NMNAT2: variants seen among roughly 807,000 people sequenced by gnomAD.
The protein encoded by NMNAT2 is nicotinamide/nicotinic acid mononucleotide adenylyltransferase 2.
Under a neutral mutation model 41.6 loss-of-function variants are expected in NMNAT2, and 11 were observed. The ratio of observed to expected loss-of-function variants is 0.26; its 90% CI spans 0.17 to 0.44. NMNAT2 has a LOEUF of 0.44. Ranked by LOEUF, NMNAT2 falls within the 20% of genes least tolerant of loss-of-function variation. The probability of loss-of-function intolerance (pLI) is 1.00; values close to 1 mark genes in which losing one functional copy is unlikely to be tolerated. For synonymous variants in NMNAT2, 148 were observed against 151.2 expected, an observed-to-expected ratio of 0.98 and a Z score of 0.16; for missense variants, 288 against 407.7, an observed-to-expected ratio of 0.71 and a Z score of 2.53.
At chr1:183,268,487 T>G (rs148450310) in intron 8 of NMNAT2, among the ~76,000 whole-genome samples, 41 of 152,356 alleles carry the variant, frequency 2.7e-4, no homozygotes, top group African/African-American at 8.2e-4. Context: ...GGGTGGCTAA[T>G]ATCTTACAGT....
chr1:183,332,595 TCAGA>T (rs1369813997), intron 1 of NMNAT2, among the ~76,000 whole-genome samples: 2 of 152,074 alleles, frequency 1.3e-5, no homozygotes, highest in African/African-American at 4.8e-5. Context: ...TGAGATGCAA[TCAGA>T]CAGTCACCAG....
intron 10 of NMNAT2, among the ~76,000 whole-genome samples, chr1:183,260,382 T>G (rs964111013): frequency 6.6e-6 from 1 of 152,230 alleles, no homozygotes; most frequent in African/African-American, 2.4e-5. Flanking sequence ...TATTGGAATT[T>G]TTTTTGTTTT....
chr1:183,253,091 A>G (rs1265405228), intron 10 of NMNAT2, among the ~76,000 whole-genome samples: 1 of 152,122 alleles, frequency 6.6e-6, no homozygotes, highest in Non-Finnish European at 1.5e-5. Context: ...AGAGTGCCAG[A>G]CACACAGTGG....
chr1:183,329,986 C>T (rs1662546944), intron 1 of NMNAT2, among the ~76,000 whole-genome samples: 1 of 152,158 alleles, frequency 6.6e-6, no homozygotes, highest in South Asian at 2.1e-4. Context: ...ACTCCTCTTC[C>T]CCGCAAAACC....
intron 1 of NMNAT2, among the ~76,000 whole-genome samples, chr1:183,357,711 T>C (rs1198528073): frequency 6.6e-6 from 1 of 152,234 alleles, no homozygotes; most frequent in Non-Finnish European, 1.5e-5. Context: ...CGGTGTAAGA[T>C]GATATCTCAT....
At chr1:183,398,109 G>A (rs982345137) in intron 1 of NMNAT2, among the ~76,000 whole-genome samples, 22 of 152,158 alleles carry the variant, frequency 1.4e-4, no homozygotes, top group Non-Finnish European at 2.6e-4. Flanking sequence ...AAAAGACACA[G>A]ACTGGCAAAT....
Position 183,278,605 on chromosome 1 carries a change from C to A in NMNAT2, c.599G>T (p.Gly200Val), listed in dbSNP as rs761461234. 1 of 1,613,814 alleles carries A rather than the reference C, an allele frequency of 6.2e-7. No individual in the cohort carries two copies. Among genetic ancestry groups the A allele is most frequent in the Non-Finnish European group, 8.5e-7 (1 of 1,179,738 alleles). Residue 200 changes from glycine (G) to valine (V), a missense_variant, in exon 8 of 11, where the codon GGT (glycine) becomes GTT (valine). This residue lies in a region of NMNAT2 where 181 missense variants were observed against 213.7 expected (regional missense o/e 0.85). Transcript: ENST00000287713. ...EIELRILLLC[G>V]SDLLESFCIP... ...GCAGAAGGACTCCAGCAGGTCACTA[C>A]CACACAGCAGCAGGATCCGTAGCTC...
intron 1 of NMNAT2, among the ~76,000 whole-genome samples, chr1:183,312,859 G>A (rs111521667): frequency 6.6e-6 from 1 of 152,190 alleles, no homozygotes; most frequent in Non-Finnish European, 1.5e-5. Flanking sequence ...ATAAGTCCAT[G>A]CATGGACAGG....
chr1:183,368,557 C>G (rs1042421454), intron 1 of NMNAT2, among the ~76,000 whole-genome samples: 4 of 152,178 alleles, frequency 2.6e-5, no homozygotes, highest in African/African-American at 9.7e-5. Flanking sequence ...TACAAGGGTG[C>G]TAATTCTGTC....
intron 1 of NMNAT2, among the ~76,000 whole-genome samples, chr1:183,324,514 C>T (rs2102332773): frequency 6.6e-6 from 1 of 152,328 alleles, no homozygotes; most frequent in Non-Finnish European, 1.5e-5. Context: ...GAAGGCCCTG[C>T]ATGGTTTGGC....
chr1:183,279,424 C>T (rs2102297743), intron 7 of NMNAT2, among the ~76,000 whole-genome samples: 1 of 152,322 alleles, frequency 6.6e-6, no homozygotes, highest in South Asian at 2.1e-4. Flanking sequence ...CACAGCGTGG[C>T]TCCCAGGCGT....
Position 183,339,137 on chromosome 1 carries a change from G to A in NMNAT2, c.86-45344C>T, listed in dbSNP as rs1662739923. 1.3e-5 allele frequency among the ~76,000 whole-genome samples: 2 copies of A among 151,988 alleles called. 1 individual carries two copies. Among genetic ancestry groups the A allele is most frequent in the South Asian group, 4.2e-4 (2 of 4,790 alleles). On this transcript the variant is annotated intron_variant, in intron 1 of 10. Transcript: ENST00000287713. ...TTTTGAGATGGAGTCTCGCTCTGTC[G>A]CCCAGGCTGGAGTGCAGTGGTACGA... is the stretch of plus-strand genomic sequence containing the variant.
intron 3 of NMNAT2, among the ~76,000 whole-genome samples, chr1:183,291,372 C>A (rs954263939): frequency 3.3e-5 from 5 of 152,132 alleles, no homozygotes; most frequent in Non-Finnish European, 4.4e-5. Flanking sequence ...GACCCTGGCT[C>A]CCCCTAGATC....
At chr1:183,318,332 T>C (rs1239242366) in intron 1 of NMNAT2, among the ~76,000 whole-genome samples, 1 of 152,136 alleles carries the variant, frequency 6.6e-6, no homozygotes, top group Non-Finnish European at 1.5e-5. Context: ...AGAGAAAAAG[T>C]CCAGGCCAGA....
intron 1 of NMNAT2, among the ~76,000 whole-genome samples, chr1:183,388,006 C>T (rs922863685): frequency 5.9e-5 from 9 of 152,174 alleles, no homozygotes; most frequent in African/African-American, 1.9e-4. Flanking sequence ...TTGAAATTTG[C>T]TATGTGCCAG....
intron 1 of NMNAT2, among the ~76,000 whole-genome samples, chr1:183,358,841 C>T (rs1055262810): frequency 1.3e-4 from 20 of 152,160 alleles, no homozygotes; most frequent in Admixed American, 5.2e-4. Flanking sequence ...AGGTACAGGA[C>T]GGACGATAAG....
At position 183,274,766 on chromosome 1, in the gene NMNAT2, TA is replaced by T. The variant is rs34658876; in HGVS notation, c.651+3786del. 6.2e-3 allele frequency among the ~76,000 whole-genome samples: 770 copies of T among 125,092 alleles called. 5 individuals carry two copies. Among genetic ancestry groups the T allele is most frequent in the Admixed American group, 0.031 (384 of 12,380 alleles). 82.1% of individuals were successfully genotyped at this position (125,092 alleles called of 152,430 possible). A position where few individuals can be genotyped will look rare whatever the true frequency, so the allele number is the denominator to read the frequency against. On this transcript the variant is annotated intron_variant, in intron 8 of 10. Transcript: ENST00000287713. ...GGGCAACATAGTGAGACCTTGTCTC[TA>T]AAAAAAAAAAAAAGAAAAAAAAGAC...
intron 1 of NMNAT2, among the ~76,000 whole-genome samples, chr1:183,315,627 C>T (rs1662229840): frequency 6.6e-6 from 1 of 151,886 alleles, no homozygotes; most frequent in African/African-American, 2.4e-5. Context: ...ACTAAAAATA[C>T]AAAAATTAGC....
intron 1 of NMNAT2, among the ~76,000 whole-genome samples, chr1:183,406,513 A>G (rs1571643392): frequency 6.6e-6 from 1 of 152,232 alleles, no homozygotes; most frequent in East Asian, 1.9e-4. Flanking sequence ...TTTGGAAAAT[A>G]GTGCATTCTC....
Sources: gnomAD v4.1 joint callset for allele counts (sites outside exome capture counted in the v4.1 genomes callset) on GRCh38, gnomAD v4.1.1 for gene constraint, gnomAD v4.1.1 regional missense constraint, MANE v1.5 for transcripts, NCBI Gene and HGNC (gene_info 2026-07-23, HGNC 2026-07-21) for gene names.